The following WBP1L variants were observed in gnomAD, a reference collection of about 807,000 sequenced individuals.
WBP1L encodes the protein WW domain binding protein 1-like.
A neutral mutation model predicts 33.7 loss-of-function variants in WBP1L; 17 were observed. That is an observed-to-expected ratio of 0.50 (90% CI 0.34 to 0.76). The LOEUF is 0.76. WBP1L is among the 30% of genes least tolerant of loss of function. WBP1L has a pLI of 0.01. For synonymous variants in WBP1L, 173 were observed against 190.8 expected (o/e 0.91, Z 0.77); for missense variants, 389 against 469.4 (o/e 0.83, Z 1.58).
intron 1 of WBP1L, among the ~76,000 whole-genome samples, chr10:102,757,874 CCT>C (rs1406123666): frequency 0.12 from 5,402 of 44,086 alleles, 548 homozygotes; most frequent in Middle Eastern, 0.21. Context: ...CTGTACCTGC[CCT>C]CCCCCCCCCC....
intron 1 of WBP1L, among the ~76,000 whole-genome samples, chr10:102,749,258 T>C (rs1237633874): frequency 2.0e-5 from 3 of 152,192 alleles, no homozygotes; most frequent in Admixed American, 2.0e-4. Flanking sequence ...TTTGTTTATT[T>C]ACATATTTTT....
intron 1 of WBP1L, among the ~76,000 whole-genome samples, chr10:102,793,487 G>A (rs760834972): frequency 2.4e-4 from 36 of 152,080 alleles, no homozygotes; most frequent in Non-Finnish European, 4.4e-4. Flanking sequence ...AATCATAAAG[G>A]GTGCTGATAA....
chr10:102,746,576 G>A (rs1293913953), intron 1 of WBP1L, among the ~76,000 whole-genome samples: 1 of 146,848 alleles, frequency 6.8e-6, no homozygotes, highest in African/African-American at 2.5e-5. Flanking sequence ...TGAATCCACC[G>A]CAATTTAGTC....
chr10:102,778,857 C>T (rs1425090510), intron 1 of WBP1L, among the ~76,000 whole-genome samples: 3 of 152,086 alleles, frequency 2.0e-5, no homozygotes, highest in Admixed American at 2.0e-4. Flanking sequence ...ATTTTTTTCC[C>T]TTAATCCATA....
At chr10:102,776,361 C>A in intron 1 of WBP1L, 1 of 1,614,114 alleles carries the variant, frequency 6.2e-7, no homozygotes, top group Non-Finnish European at 8.5e-7. Context: ...CCCTTTGTTC[C>A]AACGTTAGTG....
rs958571058 is a variant in WBP1L at position 102,786,444 on chromosome 10, G to T, written c.91-11549G>T. Among the ~76,000 whole-genome samples the T allele has an allele frequency of 2.0e-5, 3 of 152,166 alleles. No homozygotes were observed. In the East Asian group the frequency reaches 5.8e-4, roughly 29 times the overall value. On this transcript the variant is annotated intron_variant, in intron 1 of 3. Transcript: ENST00000448841. ...AATATACATAAACATAACCAGGGGA[G>T]CATGTTTTAAAAGGCGGATTTTCAG...
At position 102,815,908 on chromosome 10, in the gene WBP1L, T is replaced by C. The variant is rs535254712; in HGVS notation, c.*2577T>C. On this transcript the variant is annotated 3_prime_UTR_variant, in exon 4 of 4. Coordinates refer to ENST00000448841, the MANE Select transcript of WBP1L (RefSeq NM_001083913.2). ...TGGGCTTGGTTCCCAGGTCACAGTT[T>C]GGCCCCCGCTACAGGATGCTGCCCT... The C allele has an allele frequency of 6.6e-6, 1 of 152,664 alleles. No homozygotes were observed. The highest frequency in any genetic ancestry group is 6.5e-5 in the Admixed American group (1 of 15,290). 9.5% of individuals were successfully genotyped at this position (152,664 alleles called of 1,614,324 possible).
At chr10:102,767,598 T>C (rs1308506528) in intron 1 of WBP1L, among the ~76,000 whole-genome samples, 4 of 152,172 alleles carry the variant, frequency 2.6e-5, no homozygotes, top group Non-Finnish European at 5.9e-5. Context: ...CTAGGACTCT[T>C]TCTGGCCCAC....
intron 1 of WBP1L, among the ~76,000 whole-genome samples, chr10:102,783,754 T>G (rs1843369919): frequency 6.6e-6 from 1 of 152,166 alleles, no homozygotes; most frequent in African/African-American, 2.4e-5. Flanking sequence ...CATCCTACAA[T>G]GTACAGTTCA....
intron 1 of WBP1L, among the ~76,000 whole-genome samples, chr10:102,765,186 G>A (rs1165507212): frequency 3.3e-5 from 5 of 152,168 alleles, no homozygotes; most frequent in Non-Finnish European, 7.3e-5. Context: ...TGACCAGGCA[G>A]GTGTTACCAG....
intron 1 of WBP1L, among the ~76,000 whole-genome samples, chr10:102,777,912 A>ATTT (rs1430601274): frequency 1.3e-5 from 2 of 152,076 alleles, no homozygotes; most frequent in African/African-American, 4.8e-5. Context: ...CCTGGAGAGG[A>ATTT]TTTCAAGCAG....
intron 3 of WBP1L, among the ~76,000 whole-genome samples, chr10:102,810,413 CTTTCCCTG>C (rs1313921686): frequency 7.0e-5 from 9 of 129,438 alleles, no homozygotes; most frequent in Middle Eastern, 4.2e-3. Context: ...TTCTTTCTTT[CTTTCCCTG>C]CCTGCCTGCC....
chr10:102,765,863 G>T (rs1843099829), intron 1 of WBP1L, among the ~76,000 whole-genome samples: 1 of 152,200 alleles, frequency 6.6e-6, no homozygotes, highest in South Asian at 2.1e-4. Flanking sequence ...CTCAGAGAGA[G>T]TTGAGATGTC....
intron 1 of WBP1L, among the ~76,000 whole-genome samples, chr10:102,795,449 C>G (rs1218141946): frequency 6.6e-6 from 1 of 152,190 alleles, no homozygotes; most frequent in Non-Finnish European, 1.5e-5. Flanking sequence ...AAAGCGGAGG[C>G]AGAACGGTGA....
chr10:102,760,324 G>A (rs1208462797), intron 1 of WBP1L, among the ~76,000 whole-genome samples: 1 of 151,122 alleles, frequency 6.6e-6, no homozygotes, highest in Non-Finnish European at 1.5e-5. Flanking sequence ...TGTGACCCTG[G>A]GCCACTTAAC....
At chr10:102,750,909 G>A (rs1297687116) in intron 1 of WBP1L, among the ~76,000 whole-genome samples, 3 of 152,070 alleles carry the variant, frequency 2.0e-5, no homozygotes, top group African/African-American at 7.2e-5. Context: ...TGATCTACTT[G>A]CCATTCCTAT....
At chr10:102,750,222 A>G (rs996931569) in intron 1 of WBP1L, among the ~76,000 whole-genome samples, 2 of 151,404 alleles carry the variant, frequency 1.3e-5, no homozygotes, top group Non-Finnish European at 2.9e-5. Flanking sequence ...AGCGTGGCCA[A>G]CATGGTGAAA....
At chr10:102,761,326 G>T (rs1843038275) in intron 1 of WBP1L, among the ~76,000 whole-genome samples, 1 of 151,348 alleles carries the variant, frequency 6.6e-6, no homozygotes, top group Admixed American at 6.6e-5. Context: ...TTTTAGTAGA[G>T]ATGGGGTTTT....
chr10:102,769,147 G>T (rs1371672215), intron 1 of WBP1L, among the ~76,000 whole-genome samples: 1 of 152,146 alleles, frequency 6.6e-6, no homozygotes, highest in Non-Finnish European at 1.5e-5. Context: ...CGCCATGCCT[G>T]GCTAATTTCT....
Sources: gnomAD v4.1 joint callset for allele counts (sites outside exome capture counted in the v4.1 genomes callset) on GRCh38, gnomAD v4.1.1 for gene constraint, MANE v1.5 for transcripts, NCBI Gene and HGNC (gene_info 2026-07-23, HGNC 2026-07-21) for gene names.